OPCML: variants seen among roughly 807,000 people sequenced by gnomAD.
OPCML encodes the protein opioid binding protein/cell adhesion molecule like.
OPCML carries 13 observed loss-of-function variants against 37.8 expected under a neutral mutation model. The ratio of observed to expected loss-of-function variants is 0.34; its 90% CI spans 0.22 to 0.55. The LOEUF (loss-of-function observed/expected upper bound fraction) is 0.55. OPCML is among the 20% of genes least tolerant of loss of function. OPCML has a pLI of 0.91. For synonymous variants in OPCML, 176 were observed against 168.8 expected (o/e 1.04, Z -0.33); for missense variants, 341 against 435.6 (o/e 0.78, Z 1.93).
intron 1 of OPCML, among the ~76,000 whole-genome samples, chr11:133,355,644 C>T (rs1456102114): frequency 6.6e-6 from 1 of 152,164 alleles, no homozygotes; most frequent in South Asian, 2.1e-4. Flanking sequence ...CAGCCCAGTG[C>T]CCTTCCTACT....
intron 3 of OPCML, among the ~76,000 whole-genome samples, chr11:132,602,407 A>T (rs893004835): frequency 1.3e-5 from 2 of 152,156 alleles, no homozygotes; most frequent in African/African-American, 4.8e-5. Context: ...TCTCTTTTAA[A>T]ATTCTAAAAA....
intron 3 of OPCML, among the ~76,000 whole-genome samples, chr11:132,602,480 C>CA (rs997894125): frequency 6.6e-6 from 1 of 152,034 alleles, no homozygotes; most frequent in Non-Finnish European, 1.5e-5. Flanking sequence ...TTTACAGTTA[C>CA]AAAAAAATTC....
At chr11:132,711,191 C>T (rs1448568237) in intron 2 of OPCML, among the ~76,000 whole-genome samples, 1 of 152,068 alleles carries the variant, frequency 6.6e-6, no homozygotes, top group Non-Finnish European at 1.5e-5. Context: ...AAAAGTAAGC[C>T]CTTCTCTTAC....
At chr11:133,410,533 T>G (rs763232444) in intron 1 of OPCML, among the ~76,000 whole-genome samples, 3 of 150,932 alleles carry the variant, frequency 2.0e-5, no homozygotes, top group Non-Finnish European at 2.9e-5. Context: ...TGCTATGGTT[T>G]CCTTTTCTCT....
At chr11:132,946,403 G>A (rs1423461120) in intron 1 of OPCML, among the ~76,000 whole-genome samples, 1 of 152,144 alleles carries the variant, frequency 6.6e-6, no homozygotes. Flanking sequence ...TTGTTATCAA[G>A]TATTATGTAC....
rs181793323 is a variant in OPCML at position 133,233,543 on chromosome 11, A to G, written c.62-290533T>C. On this transcript the variant is annotated intron_variant, in intron 1 of 7. Transcript: ENST00000524381. Reference sequence around the variant, plus strand: ...CATATAATTTTGAAACAACCCAACTAAAACACCCCTTAGTGCTCATTAGTT... The same window carrying G: ...CATATAATTTTGAAACAACCCAACTGAAACACCCCTTAGTGCTCATTAGTT... Among the ~76,000 whole-genome samples, 13 of 152,300 alleles carry G rather than the reference A, an allele frequency of 8.5e-5. No individual in the cohort carries two copies. The East Asian group carries it at 1.5e-3, about 18-fold the overall frequency.
At chr11:132,548,799 G>A (rs972071264) in intron 3 of OPCML, among the ~76,000 whole-genome samples, 3 of 152,144 alleles carry the variant, frequency 2.0e-5, no homozygotes, top group East Asian at 1.9e-4. Flanking sequence ...CTGTAACCAC[G>A]TCACTTTCTC....
In OPCML at chr11:133,186,976, G is replaced by T. The variant is rs187213001; in HGVS notation, c.62-243966C>A. On this transcript the variant is annotated intron_variant, in intron 1 of 7. Coordinates refer to ENST00000524381, the MANE Select transcript of OPCML (RefSeq NM_001012393.5). ...GGAGGTCAAAGAGGCATTCGTCGTGGTGGTGGTGGTGGTGTGTGTAGAGGA... is the reference window on the plus strand; with the variant it reads ...GGAGGTCAAAGAGGCATTCGTCGTGTTGGTGGTGGTGGTGTGTGTAGAGGA... Among the ~76,000 whole-genome samples, 14 of 152,200 alleles carry T rather than the reference G, an allele frequency of 9.2e-5. No individual in the cohort carries two copies. The East Asian group carries it at 1.5e-3, about 17-fold the overall frequency.
At position 133,532,470 on chromosome 11, in the gene OPCML, G is replaced by C; in HGVS notation, c.-146C>G. 1 of 919,114 alleles carries C rather than the reference G, an allele frequency of 1.1e-6. No homozygotes were observed. Among genetic ancestry groups the C allele is most frequent in the Non-Finnish European group, 1.7e-6 (1 of 589,982 alleles). 56.9% of individuals were successfully genotyped at this position (919,114 alleles called of 1,614,324 possible). A position where few individuals can be genotyped will look rare whatever the true frequency, so the allele number is the denominator to read the frequency against. On this transcript the variant is annotated 5_prime_UTR_variant, in exon 1 of 8. Transcript: ENST00000524381. ...AGAGAGCAGAAGAGAGAGAGAGCGC[G>C]CGAGAGATGGGAGCAGGCAGGCAGC...
At chr11:132,431,244 T>G (rs1353653703) in intron 7 of OPCML, among the ~76,000 whole-genome samples, 1 of 152,256 alleles carries the variant, frequency 6.6e-6, no homozygotes, top group Non-Finnish European at 1.5e-5. Flanking sequence ...TTTCCCAAAT[T>G]CAGCCCAGAC....
intron 2 of OPCML, among the ~76,000 whole-genome samples, chr11:132,707,320 A>G (rs761100451): frequency 2.4e-4 from 37 of 152,218 alleles, no homozygotes; most frequent in Non-Finnish European, 4.8e-4. Flanking sequence ...GCCTTTCATC[A>G]GCTCCAGCAG....
chr11:133,373,941 A>T (rs901992214), intron 1 of OPCML, among the ~76,000 whole-genome samples: 2 of 152,228 alleles, frequency 1.3e-5, no homozygotes, highest in Non-Finnish European at 2.9e-5. Context: ...TATAAAAATG[A>T]TGTGCAGATT....
rs2095936814 is a variant in OPCML, at chr11:132,415,852, T to C, written c.*4341A>G. 1 of 152,654 alleles carries C rather than the reference T, an allele frequency of 6.6e-6. No homozygotes were observed. Among genetic ancestry groups the C allele is most frequent in the Non-Finnish European group, 1.5e-5 (1 of 68,036 alleles). The allele number at this position is 152,654 out of a possible 1,614,324, so 9.5% of individuals were successfully genotyped here. On this transcript the variant is annotated 3_prime_UTR_variant, in exon 8 of 8. Transcript: ENST00000524381. ...TACTTCTCTTCTCTTAAGTAAGAAA[T>C]GTGGGAAATGAGACTGGCAGTTTTG...
At chr11:132,789,819 T>C (rs1937774983) in intron 2 of OPCML, among the ~76,000 whole-genome samples, 1 of 152,140 alleles carries the variant, frequency 6.6e-6, no homozygotes, top group African/African-American at 2.4e-5. Flanking sequence ...ATGCCCCTCA[T>C]CTGGCTGAGT....
chr11:132,700,506 T>C (rs982829733), intron 2 of OPCML, among the ~76,000 whole-genome samples: 1 of 152,156 alleles, frequency 6.6e-6, no homozygotes, highest in African/African-American at 2.4e-5. Flanking sequence ...TGTCTCAGAT[T>C]TTTAAAAAAT....
chr11:133,332,392 CT>C (rs1943639233), intron 1 of OPCML, among the ~76,000 whole-genome samples: 1 of 152,164 alleles, frequency 6.6e-6, no homozygotes, highest in Admixed American at 6.5e-5. Context: ...TTGAGTTTCT[CT>C]CTTCCTATTT....
chr11:132,835,747 T>C (rs2136289234), intron 2 of OPCML, among the ~76,000 whole-genome samples: 1 of 152,354 alleles, frequency 6.6e-6, no homozygotes, highest in South Asian at 2.1e-4. Context: ...AAATGCATTA[T>C]GTCAAAGTCC....
chr11:133,208,874 C>T lies in OPCML; in HGVS notation c.62-265864G>A, dbSNP rs976159215. On this transcript the variant is annotated intron_variant, in intron 1 of 7. Coordinates refer to ENST00000524381, the MANE Select transcript of OPCML (RefSeq NM_001012393.5). The surrounding 1 kb of genome is among the most constrained non-coding windows in gnomAD (Gnocchi z 8.9). ...ACCTATTCTAACTGCTCCCAAAGCA[C>T]CCCTACTTTAACAACCTCCTCTGGT... 6.6e-6 allele frequency among the ~76,000 whole-genome samples: 1 copy of T among 152,164 alleles called. No homozygotes were observed. The highest frequency in any genetic ancestry group is 6.5e-5 in the Admixed American group (1 of 15,276).
At chr11:132,805,434 C>G (rs183088682) in intron 2 of OPCML, among the ~76,000 whole-genome samples, 2 of 152,262 alleles carry the variant, frequency 1.3e-5, no homozygotes, top group Admixed American at 6.5e-5. Context: ...ACCAGACCAA[C>G]CTATTGATCC....
Sources: gnomAD v4.1 joint callset for allele counts (sites outside exome capture counted in the v4.1 genomes callset) on GRCh38, gnomAD v4.1.1 for gene constraint, Gnocchi (gnomAD v3.1) non-coding constraint, MANE v1.5 for transcripts, NCBI Gene and HGNC (gene_info 2026-07-23, HGNC 2026-07-21) for gene names.